ABTB3: variants seen among roughly 807,000 people sequenced by gnomAD.
The protein encoded by ABTB3 is ankyrin repeat and BTB domain containing 3.
the ABTB3 span, among the ~76,000 whole-genome samples, chr12:107,531,105 C>T: frequency 8.5e-5 from 13 of 152,180 alleles, no homozygotes. Context: ...AAGCATTGTT[C>T]CTTAACTTTG....
At chr12:107,600,247 T>C in the ABTB3 span, among the ~76,000 whole-genome samples, 1 of 152,186 alleles carries the variant, frequency 6.6e-6, no homozygotes, top group Admixed American at 6.5e-5. Context: ...TGTGCGACCT[T>C]GAGCAACCGA....
At chr12:107,623,721 G>C in the ABTB3 span, among the ~76,000 whole-genome samples, 2 of 152,138 alleles carry the variant, frequency 1.3e-5, no homozygotes. Flanking sequence ...GAGATAATCA[G>C]GAGTGCCCAC....
At chr12:107,601,502 C>T in the ABTB3 span, among the ~76,000 whole-genome samples, 1 of 152,174 alleles carries the variant, frequency 6.6e-6, no homozygotes, top group Non-Finnish European at 1.5e-5. Flanking sequence ...TTTTGTGGTA[C>T]AGGATCCCAG....
At chr12:107,652,838 G>C in the ABTB3 span, among the ~76,000 whole-genome samples, 1 of 152,208 alleles carries the variant, frequency 6.6e-6, no homozygotes, top group African/African-American at 2.4e-5. Context: ...CTGAGCACAG[G>C]GGGGATTAAC....
the ABTB3 span, chr12:107,618,402 C>A: frequency 6.3e-7 from 1 of 1,587,764 alleles, no homozygotes; most frequent in Non-Finnish European, 8.6e-7. Flanking sequence ...CCCTCCACCA[C>A]GGGCACCATG....
At chr12:107,638,411 C>A in the ABTB3 span, among the ~76,000 whole-genome samples, 2 of 152,160 alleles carry the variant, frequency 1.3e-5, no homozygotes, top group East Asian at 1.9e-4. Context: ...GTGGTCACAG[C>A]CCCCAGGAAG....
chr12:107,602,219 A>G, the ABTB3 span, among the ~76,000 whole-genome samples: 49,081 of 152,066 alleles, frequency 0.32, 9,229 homozygotes, highest in African/African-American at 0.53. Context: ...GCTATCACTC[A>G]CAAAACCATG....
the ABTB3 span, chr12:107,580,640 C>A: frequency 2.5e-6 from 1 of 404,736 alleles, no homozygotes; most frequent in South Asian, 3.3e-5. Flanking sequence ...CTGGGCAGAG[C>A]TGAAGCCTGA....
chr12:107,540,739 T>A, the ABTB3 span, among the ~76,000 whole-genome samples: 1 of 152,068 alleles, frequency 6.6e-6, no homozygotes, highest in Non-Finnish European at 1.5e-5. Context: ...ATCCCAGTAC[T>A]TTGGGAGGCT....
At chr12:107,610,322 G>A in the ABTB3 span, 4 of 1,614,106 alleles carry the variant, frequency 2.5e-6, no homozygotes, top group Non-Finnish European at 2.5e-6. Context: ...TGTCTCTGCT[G>A]GGGCCCGATG....
At chr12:107,477,691 C>T in the ABTB3 span, among the ~76,000 whole-genome samples, 20 of 152,198 alleles carry the variant, frequency 1.3e-4, no homozygotes, top group African/African-American at 3.1e-4. Context: ...AGTTCTAGAA[C>T]GGATTAAAGT....
the ABTB3 span, among the ~76,000 whole-genome samples, chr12:107,529,042 A>G: frequency 6.7e-6 from 1 of 149,624 alleles, no homozygotes; most frequent in South Asian, 2.1e-4. Flanking sequence ...GGTGATGATG[A>G]TGATGGAGAT....
chr12:107,464,949 T>TAC, the ABTB3 span, among the ~76,000 whole-genome samples: 4,147 of 146,556 alleles, frequency 0.028, 109 homozygotes, highest in African/African-American at 0.073. Context: ...CTCCCTACCT[T>TAC]ACACACACAC....
chr12:107,459,539 G>T, the ABTB3 span, among the ~76,000 whole-genome samples: 3 of 152,228 alleles, frequency 2.0e-5, no homozygotes, highest in Admixed American at 6.5e-5. Flanking sequence ...TAAGAAGGCT[G>T]ATCAGAGATG....
chr12:107,469,319 T>C, the ABTB3 span, among the ~76,000 whole-genome samples: 47,744 of 152,086 alleles, frequency 0.31, 7,931 homozygotes, highest in African/African-American at 0.43. Context: ...TCACATCTGC[T>C]GACTCACCAA....
At chr12:107,638,850 G>A in the ABTB3 span, among the ~76,000 whole-genome samples, 11 of 152,170 alleles carry the variant, frequency 7.2e-5, no homozygotes, top group Non-Finnish European at 1.5e-4. Context: ...AGGTTACAGA[G>A]CTGAGATTTC....
At chr12:107,378,394 G>A in the ABTB3 span, among the ~76,000 whole-genome samples, 3 of 152,262 alleles carry the variant, frequency 2.0e-5, no homozygotes, top group South Asian at 2.1e-4. Context: ...CAGGACCTGC[G>A]CTTAAAGCAA....
the ABTB3 span, among the ~76,000 whole-genome samples, chr12:107,583,272 C>T: frequency 2.0e-5 from 3 of 152,286 alleles, no homozygotes; most frequent in Admixed American, 2.0e-4. Flanking sequence ...CCTCTGCTAC[C>T]GCTGAAATAA....
the ABTB3 span, among the ~76,000 whole-genome samples, chr12:107,348,312 TACATATTTTA>T: frequency 6.6e-6 from 1 of 151,948 alleles, no homozygotes; most frequent in Non-Finnish European, 1.5e-5. Flanking sequence ...CACACACACA[TACATATTTTA>T]ACAGAGACTT....
Sources: gnomAD v4.1 joint callset for allele counts (sites outside exome capture counted in the v4.1 genomes callset) on GRCh38, gnomAD v4.1.1 for gene constraint, MANE v1.5 for transcripts, NCBI Gene and HGNC (gene_info 2026-07-23, HGNC 2026-07-21) for gene names.